Variants in KIRREL3 observed in about 807,000 individuals in gnomAD.
KIRREL3 encodes kirre like nephrin family adhesion molecule 3.
KIRREL3 carries 36 observed loss-of-function variants against 89.7 expected under a neutral mutation model. The ratio of observed to expected loss-of-function variants is 0.40; its 90% CI spans 0.31 to 0.53. KIRREL3 has a LOEUF of 0.53. Ranked by LOEUF, KIRREL3 falls within the 20% of genes least tolerant of loss-of-function variation. The pLI, the probability that KIRREL3 is intolerant of heterozygous loss-of-function variation, is 0.49. For missense variants in KIRREL3, 864 were observed against 1,056.6 expected (o/e 0.82, Z 2.53); for synonymous variants, 445 against 441.4 (o/e 1.01, Z -0.10).
rs1944564340 is a variant in KIRREL3 at position 126,643,873 on chromosome 11, G to C, written c.56-80961C>G. 6.6e-6 allele frequency among the ~76,000 whole-genome samples: 1 copy of C among 152,188 alleles called. No homozygotes were observed. ...AGCAAAGCTGACCCTGAGCATTTAGGGAGAAAGAATTGAAAAGATCATGAT... is the reference window on the plus strand; with the variant it reads ...AGCAAAGCTGACCCTGAGCATTTAGCGAGAAAGAATTGAAAAGATCATGAT... On this transcript the variant is annotated intron_variant, in intron 1 of 16. Transcript: ENST00000525144. This position sits in a 1 kb window ranked among gnomAD's most constrained non-coding sequence, Gnocchi z 4.5.
At chr11:126,654,506 T>C (rs4937170) in intron 1 of KIRREL3, among the ~76,000 whole-genome samples, 43,531 of 152,044 alleles carry the variant, frequency 0.29, 6,450 homozygotes, top group East Asian at 0.42. Flanking sequence ...GGGGTTTCCA[T>C]TGAGAAGAAA....
chr11:126,493,780 G>T (rs534107652), intron 4 of KIRREL3, among the ~76,000 whole-genome samples: 1 of 149,802 alleles, frequency 6.7e-6, no homozygotes, highest in African/African-American at 2.5e-5. Context: ...AGCTGGCCCC[G>T]CCTGGGCAAA....
At chr11:126,511,532 T>C (rs1475974749) in intron 4 of KIRREL3, among the ~76,000 whole-genome samples, 1 of 152,174 alleles carries the variant, frequency 6.6e-6, no homozygotes, top group Non-Finnish European at 1.5e-5. Context: ...CTGTTAGTCT[T>C]GGCTCCCGGC....
chr11:126,979,226 G>T (rs1949659179), intron 1 of KIRREL3, among the ~76,000 whole-genome samples: 1 of 152,188 alleles, frequency 6.6e-6, no homozygotes, highest in South Asian at 2.1e-4. Context: ...AAGGGAGAGA[G>T]AAATGAATAG....
Position 126,628,802 on chromosome 11 carries a change from G to C in KIRREL3, c.56-65890C>G. On this transcript the variant is annotated intron_variant, in intron 1 of 16. Coordinates refer to ENST00000525144, the MANE Select transcript of KIRREL3 (RefSeq NM_032531.4). The surrounding 1 kb of genome is among the most constrained non-coding windows in gnomAD (Gnocchi z 5.2). ...CTGGAGCCAGGGCCTCGCCTCTACT[G>C]CCCCCTCCGCTCGCTCTGCCTGTGC... 6.6e-6 allele frequency among the ~76,000 whole-genome samples: 1 copy of C among 152,134 alleles called. No individual in the cohort carries two copies. Among genetic ancestry groups the C allele is most frequent in the East Asian group, 1.9e-4 (1 of 5,186 alleles).
In KIRREL3 at chr11:126,903,148, T is replaced by C. The variant is rs1483548323; in HGVS notation, c.55+97307A>G. 1.3e-5 allele frequency among the ~76,000 whole-genome samples: 2 copies of C among 152,202 alleles called. No individual in the cohort carries two copies. Among genetic ancestry groups the C allele is most frequent in the African/African-American group, 4.8e-5 (2 of 41,456 alleles). ...TAAAGCACTCTCTCAGGCACAAATA[T>C]GCTTCTGATTTAAGAAATTATTATA... On this transcript the variant is annotated intron_variant, in intron 1 of 16. Transcript: ENST00000525144. This position sits in a 1 kb window ranked among gnomAD's most constrained non-coding sequence, Gnocchi z 4.5.
intron 9 of KIRREL3, among the ~76,000 whole-genome samples, chr11:126,446,338 TTTC>T (rs1210226049): frequency 1.7e-5 from 2 of 117,884 alleles, no homozygotes; most frequent in African/African-American, 5.4e-5. Context: ...CTTTCTTTCC[TTTC>T]TTCTTCTTTT....
In KIRREL3 at chr11:126,508,707, T is replaced by G. The variant is rs1257311433; in HGVS notation, c.433+12608A>C. Among the ~76,000 whole-genome samples the G allele has an allele frequency of 6.6e-6, 1 of 152,132 alleles. No homozygotes were observed. The highest frequency in any genetic ancestry group is 1.5e-5 in the Non-Finnish European group (1 of 68,018). On this transcript the variant is annotated intron_variant, in intron 4 of 16. Transcript: ENST00000525144. The surrounding 1 kb of genome is among the most constrained non-coding windows in gnomAD (Gnocchi z 4.9). ...GTTTCAGAGCCAGAAGCGACTGCAT[T>G]CAGATTCTCGTTCTTTACCTTTCTT...
Position 126,530,215 on chromosome 11 carries a change from G to T in KIRREL3, c.134-3528C>A, listed in dbSNP as rs528034830. The stretch of plus-strand genomic sequence containing the variant: ...TTCTCCTGCCTCAGCCTCCTGAGCA[G>T]CTGGGATTACAGGTATGCACCAGCA... On this transcript the variant is annotated intron_variant, in intron 2 of 16. Transcript: ENST00000525144. This position sits in a 1 kb window ranked among gnomAD's most constrained non-coding sequence, Gnocchi z 5.8. 2.0e-5 allele frequency among the ~76,000 whole-genome samples: 3 copies of T among 152,248 alleles called. No homozygotes were observed. Among genetic ancestry groups the T allele is most frequent in the African/African-American group, 7.2e-5 (3 of 41,542 alleles).
In KIRREL3 at chr11:126,921,621, TCTTC is replaced by T. The variant is rs1176924608; in HGVS notation, c.55+78830_55+78833del. Among the ~76,000 whole-genome samples the T allele has an allele frequency of 2.4e-4, 9 of 37,792 alleles. 1 individual carries two copies. Among genetic ancestry groups the T allele is most frequent in the African/African-American group, 1.9e-3 (7 of 3,670 alleles). The allele number at this position is 37,792 out of a possible 152,430, so 24.8% of individuals were successfully genotyped here. A position where few individuals can be genotyped will look rare whatever the true frequency, so the allele number is the denominator to read the frequency against. ...ATCTATCTATCTATCTATCTATCTATCTTCCTATCTATCCATCCATCTTCCTGTG... is the reference window on the plus strand; with the variant it reads ...ATCTATCTATCTATCTATCTATCTATCTATCTATCCATCCATCTTCCTGTG... On this transcript the variant is annotated intron_variant, in intron 1 of 16. Coordinates refer to ENST00000525144, the MANE Select transcript of KIRREL3 (RefSeq NM_032531.4).
Position 126,780,208 on chromosome 11 carries a change from A to C in KIRREL3, c.56-217296T>G, listed in dbSNP as rs954677311. On this transcript the variant is annotated intron_variant, in intron 1 of 16. Coordinates refer to ENST00000525144, the MANE Select transcript of KIRREL3 (RefSeq NM_032531.4). The surrounding 1 kb of genome is among the most constrained non-coding windows in gnomAD (Gnocchi z 5.3). ...AACAGGAAAAGACTGCAGAAGGAAGAAGATAAGGAAGCAACAGAAACCCCA... is the reference window on the plus strand; with the variant it reads ...AACAGGAAAAGACTGCAGAAGGAAGCAGATAAGGAAGCAACAGAAACCCCA... Among the ~76,000 whole-genome samples, 2 of 152,178 alleles carry C rather than the reference A, an allele frequency of 1.3e-5. No homozygotes were observed. The highest frequency in any genetic ancestry group is 2.9e-5 in the Non-Finnish European group (2 of 68,038).
Position 126,891,453 on chromosome 11 carries a change from G to A in KIRREL3, c.55+109002C>T, listed in dbSNP as rs1467688824. On this transcript the variant is annotated intron_variant, in intron 1 of 16. Transcript: ENST00000525144. The surrounding 1 kb of genome is among the most constrained non-coding windows in gnomAD (Gnocchi z 5.1). ...AAAGGCAGAAGAGGAGGCAAGAGGT[G>A]AGCCCATGTCCTACTAAATGCCTGC... Among the ~76,000 whole-genome samples the A allele has an allele frequency of 6.6e-6, 1 of 152,232 alleles. No homozygotes were observed. Among genetic ancestry groups the A allele is most frequent in the African/African-American group, 2.4e-5 (1 of 41,464 alleles).
In KIRREL3 at chr11:126,755,856, G is replaced by GA. The variant is rs1949481099; in HGVS notation, c.56-192945_56-192944insT. Reference sequence around the variant, plus strand: ...GAGAGAGAGAGAGAGAGAGAGAGAGGGAGAGAGGGAGAGAGAAAAAACAGA... The same window carrying GA: ...GAGAGAGAGAGAGAGAGAGAGAGAGGAGAGAGAGGGAGAGAGAAAAAACAGA... On this transcript the variant is annotated intron_variant, in intron 1 of 16. Coordinates refer to ENST00000525144, the MANE Select transcript of KIRREL3 (RefSeq NM_032531.4). The surrounding 1 kb of genome is among the most constrained non-coding windows in gnomAD (Gnocchi z 4.3). 7.7e-6 allele frequency among the ~76,000 whole-genome samples: 1 copy of GA among 129,766 alleles called. No individual in the cohort carries two copies. Among genetic ancestry groups the GA allele is most frequent in the African/African-American group, 3.1e-5 (1 of 32,496 alleles). The allele number at this position is 129,766 out of a possible 152,430, so 85.1% of individuals were successfully genotyped here. A position where few individuals can be genotyped will look rare whatever the true frequency, so the allele number is the denominator to read the frequency against.
chr11:126,903,687 T>C lies in KIRREL3; in HGVS notation c.55+96768A>G, dbSNP rs1348191298. ...TTATGACATGTTCAGAAGCTTGCAG[T>C]TGCAGGAGGCTGACAATGATGAAAA... is the stretch of plus-strand genomic sequence containing the variant. On this transcript the variant is annotated intron_variant, in intron 1 of 16. Transcript: ENST00000525144. This position sits in a 1 kb window ranked among gnomAD's most constrained non-coding sequence, Gnocchi z 4.5. Among the ~76,000 whole-genome samples the C allele has an allele frequency of 1.3e-5, 2 of 152,218 alleles. No homozygotes were observed. The highest frequency in any genetic ancestry group is 4.8e-5 in the African/African-American group (2 of 41,458).
Position 126,570,652 on chromosome 11 carries a change from C to T in KIRREL3, c.56-7740G>A, listed in dbSNP as rs1323480054. ...TAACCCTTTGCCAGCCCTGCCTTCTCCAGCCTGCTCCAGCCATGCCATTAT... is the reference window on the plus strand; with the variant it reads ...TAACCCTTTGCCAGCCCTGCCTTCTTCAGCCTGCTCCAGCCATGCCATTAT... On this transcript the variant is annotated intron_variant, in intron 1 of 16. Transcript: ENST00000525144. The surrounding 1 kb of genome is among the most constrained non-coding windows in gnomAD (Gnocchi z 6.1). Among the ~76,000 whole-genome samples, 1 of 152,202 alleles carries T rather than the reference C, an allele frequency of 6.6e-6. No homozygotes were observed. Among genetic ancestry groups the T allele is most frequent in the East Asian group, 1.9e-4 (1 of 5,182 alleles).
Position 126,953,092 on chromosome 11 carries a change from A to C in KIRREL3, c.55+47363T>G, listed in dbSNP as rs1948816624. 6.6e-6 allele frequency among the ~76,000 whole-genome samples: 1 copy of C among 152,238 alleles called. No individual in the cohort carries two copies. The highest frequency in any genetic ancestry group is 2.1e-4 in the South Asian group (1 of 4,832). ...AGACTTGGAACCAATCCAAATGCCC[A>C]TCAGTGATAGACTGAATAAAGAAAA... On this transcript the variant is annotated intron_variant, in intron 1 of 16. Coordinates refer to ENST00000525144, the MANE Select transcript of KIRREL3 (RefSeq NM_032531.4). This position sits in a 1 kb window ranked among gnomAD's most constrained non-coding sequence, Gnocchi z 5.2.
chr11:126,486,772 C>T lies in KIRREL3; in HGVS notation c.434-13306G>A, dbSNP rs973845872. Reference sequence around the variant, plus strand: ...GATCCTGCTGCCCCAACCACTCAGTCCTAACTGCGGTACCATAGGCTGTGC... The same window carrying T: ...GATCCTGCTGCCCCAACCACTCAGTTCTAACTGCGGTACCATAGGCTGTGC... On this transcript the variant is annotated intron_variant, in intron 4 of 16. Coordinates refer to ENST00000525144, the MANE Select transcript of KIRREL3 (RefSeq NM_032531.4). The surrounding 1 kb of genome is among the most constrained non-coding windows in gnomAD (Gnocchi z 6.2). 9.9e-5 allele frequency among the ~76,000 whole-genome samples: 15 copies of T among 152,228 alleles called. No homozygotes were observed. The highest frequency in any genetic ancestry group is 3.6e-4 in the African/African-American group (15 of 41,454).
At position 126,476,883 on chromosome 11, in the gene KIRREL3, T is replaced by C. The variant is rs940533033; in HGVS notation, c.434-3417A>G. Among the ~76,000 whole-genome samples, 3 of 152,234 alleles carry C rather than the reference T, an allele frequency of 2.0e-5. No homozygotes were observed. The highest frequency in any genetic ancestry group is 7.2e-5 in the African/African-American group (3 of 41,464). ...TATTATTCATCACCCCCTCGCAGGATTGGTTATTATCCTCAACCACTATAG... is the reference window on the plus strand; with the variant it reads ...TATTATTCATCACCCCCTCGCAGGACTGGTTATTATCCTCAACCACTATAG... On this transcript the variant is annotated intron_variant, in intron 4 of 16. Coordinates refer to ENST00000525144, the MANE Select transcript of KIRREL3 (RefSeq NM_032531.4). This position sits in a 1 kb window ranked among gnomAD's most constrained non-coding sequence, Gnocchi z 6.4.
chr11:126,672,776 T>G (rs1408674166), intron 1 of KIRREL3, among the ~76,000 whole-genome samples: 1 of 152,160 alleles, frequency 6.6e-6, no homozygotes, highest in Non-Finnish European at 1.5e-5. Context: ...CGTGTTACAG[T>G]GTCTCTTTTC....
Sources: gnomAD v4.1 joint callset for allele counts (sites outside exome capture counted in the v4.1 genomes callset) on GRCh38, gnomAD v4.1.1 for gene constraint, Gnocchi (gnomAD v3.1) non-coding constraint, MANE v1.5 for transcripts, NCBI Gene and HGNC (gene_info 2026-07-23, HGNC 2026-07-21) for gene names.